Variants in EML4 observed in about 807,000 individuals in gnomAD.
EML4 encodes the protein EMAP like 4.
A neutral mutation model predicts 129.0 loss-of-function variants in EML4; 72 were observed. That is an observed-to-expected ratio of 0.56 (90% CI 0.46 to 0.68). The LOEUF is 0.68. EML4 is among the 30% of genes least tolerant of loss of function. The probability of loss-of-function intolerance (pLI) is 0.00; values close to 1 mark genes in which losing one functional copy is unlikely to be tolerated. For synonymous variants in EML4, 532 were observed against 405.0 expected, an observed-to-expected ratio of 1.31 and a Z score of -3.77; for missense variants, 1,363 against 1,190.6, an observed-to-expected ratio of 1.14 and a Z score of -2.13.
chr2:42,263,229 A>C lies in EML4; in HGVS notation c.564A>C (p.Ser188=). 6.2e-7 allele frequency: 1 copy of C among 1,613,170 alleles called. No homozygotes were observed. The highest frequency in any genetic ancestry group is 1.7e-5 in the Admixed American group (1 of 59,934). Residue 188 remains serine (S), a synonymous_variant, in exon 5 of 23, where the codon TCA becomes TCC. Coordinates refer to ENST00000318522, the MANE Select transcript of EML4 (RefSeq NM_019063.5). ...AEKSHNSWEN[S]DDSRNKLSKI... Reference sequence around the variant, plus strand: ...AGTCACATAATTCTTGGGAAAATTCAGATGATAGCCGTAATAAATTGTCGA... The same window carrying C: ...AGTCACATAATTCTTGGGAAAATTCCGATGATAGCCGTAATAAATTGTCGA...
Position 42,263,241 on chromosome 2 carries a change from T to A in EML4, c.576T>A (p.Arg192=), listed in dbSNP as rs1369836188. 1 of 1,613,412 alleles carries A rather than the reference T, an allele frequency of 6.2e-7. No individual in the cohort carries two copies. The highest frequency in any genetic ancestry group is 8.5e-7 in the Non-Finnish European group (1 of 1,179,682). ...HNSWENSDDS[R]NKLSKIPSTP... ...CTTGGGAAAATTCAGATGATAGCCG[T>A]AATAAATTGTCGAAAATACCTTCAA... is the stretch of plus-strand genomic sequence containing the variant. Residue 192 remains arginine, a synonymous_variant, in exon 5 of 23, where the codon CGT becomes CGA. Coordinates refer to ENST00000318522, the MANE Select transcript of EML4 (RefSeq NM_019063.5).
rs2103827739 is a variant in EML4, at chr2:42,325,451, A to G, written c.2155-16A>G. 2 of 1,310,258 alleles carry G rather than the reference A, an allele frequency of 1.5e-6. No homozygotes were observed. Among genetic ancestry groups the G allele is most frequent in the Middle Eastern group, 2.1e-4 (1 of 4,672 alleles). 81.2% of individuals were successfully genotyped at this position (1,310,258 alleles called of 1,614,324 possible). A position where few individuals can be genotyped will look rare whatever the true frequency, so the allele number is the denominator to read the frequency against. On this transcript the variant is annotated splice_polypyrimidine_tract_variant and intron_variant, in intron 19 of 22. Coordinates refer to ENST00000318522, the MANE Select transcript of EML4 (RefSeq NM_019063.5). ...AACTCTAAATGCTTTCTAACAATTTATCTGTTATTTTCTAGGGACATTCCA... is the reference window on the plus strand; with the variant it reads ...AACTCTAAATGCTTTCTAACAATTTGTCTGTTATTTTCTAGGGACATTCCA...
At chr2:42,184,263 T>C (rs1323475441) in intron 1 of EML4, among the ~76,000 whole-genome samples, 1 of 152,172 alleles carries the variant, frequency 6.6e-6, no homozygotes, top group Non-Finnish European at 1.5e-5. Context: ...TTTTAAGTTT[T>C]AGGGTACATG....
intron 1 of EML4, among the ~76,000 whole-genome samples, chr2:42,215,780 C>A (rs1483522857): frequency 6.6e-6 from 1 of 152,136 alleles, no homozygotes; most frequent in African/African-American, 2.4e-5. Flanking sequence ...TATACCTTCT[C>A]CCTTTGAGAA....
chr2:42,296,195 C>T (rs952220755), intron 13 of EML4, among the ~76,000 whole-genome samples: 7 of 151,938 alleles, frequency 4.6e-5, no homozygotes, highest in Non-Finnish European at 7.4e-5. Context: ...CATGTACTTC[C>T]TTCAGAGTAG....
intron 1 of EML4, among the ~76,000 whole-genome samples, chr2:42,184,023 T>A (rs1671102057): frequency 6.6e-6 from 1 of 152,142 alleles, no homozygotes; most frequent in Admixed American, 6.5e-5. Flanking sequence ...TTAAAGCAAT[T>A]TGGGCTATTT....
At chr2:42,302,374 ACAAT>A (rs879574498) in intron 14 of EML4, among the ~76,000 whole-genome samples, 20 of 152,246 alleles carry the variant, frequency 1.3e-4, no homozygotes, top group Admixed American at 1.1e-3. Flanking sequence ...GATCCTTACA[ACAAT>A]CAAGAGTGGG....
intron 1 of EML4, among the ~76,000 whole-genome samples, chr2:42,225,695 T>G (rs1454957496): frequency 2.6e-5 from 4 of 152,192 alleles, no homozygotes; most frequent in Admixed American, 2.6e-4. Context: ...CTAGTGAGCT[T>G]GATCCACCCT....
intron 1 of EML4, among the ~76,000 whole-genome samples, chr2:42,218,340 C>T (rs1673334636): frequency 1.3e-5 from 2 of 151,842 alleles, no homozygotes; most frequent in South Asian, 2.1e-4. Context: ...CCCACTGATT[C>T]TACATTATAG....
At chr2:42,254,391 G>A (rs537415911) in intron 2 of EML4, among the ~76,000 whole-genome samples, 2 of 151,610 alleles carry the variant, frequency 1.3e-5, no homozygotes, top group Middle Eastern at 3.4e-3. Flanking sequence ...CCGGGAGGCC[G>A]TGGCAGCAGT....
In EML4 at chr2:42,330,029, T is replaced by A. The variant is rs768352470; in HGVS notation, c.2768T>A (p.Leu923Gln). 1 of 1,613,612 alleles carries A rather than the reference T, an allele frequency of 6.2e-7. No homozygotes were observed. The highest frequency in any genetic ancestry group is 1.1e-5 in the South Asian group (1 of 91,038). The change falls in exon 23 of 23, where the codon CTG becomes CAG. Residue 923 changes from leucine to glutamine, a missense_variant. Coordinates refer to ENST00000318522, the MANE Select transcript of EML4 (RefSeq NM_019063.5). ...ESRISSSPTL[L>Q]ENSLEQTVEP... ...AGAATAAGCAGTTCTCCCACACTTC[T>A]GGAGAACAGCCTGGAACAAACTGTG...
At chr2:42,320,292 C>T (rs1389042122) in intron 19 of EML4, among the ~76,000 whole-genome samples, 1 of 150,982 alleles carries the variant, frequency 6.6e-6, no homozygotes, top group African/African-American at 2.4e-5. Flanking sequence ...AGTTTGACAC[C>T]AGCCTGGGCA....
chr2:42,287,133 C>G (rs1034474077), intron 10 of EML4, among the ~76,000 whole-genome samples: 4 of 152,214 alleles, frequency 2.6e-5, no homozygotes, highest in African/African-American at 9.6e-5. Flanking sequence ...CAGTTCTTAG[C>G]CATTGGCAAC....
At chr2:42,275,623 G>T (rs1666614766) in intron 6 of EML4, among the ~76,000 whole-genome samples, 1 of 152,174 alleles carries the variant, frequency 6.6e-6, no homozygotes, top group Admixed American at 6.5e-5. Flanking sequence ...TCACTGATCA[G>T]ATTGACTTAA....
chr2:42,256,478 T>C, intron 2 of EML4, 23 bp from the exon 3 acceptor site: 1 of 1,570,564 alleles, frequency 6.4e-7, no homozygotes, highest in Middle Eastern at 1.7e-4. Context: ...TTTGATATAA[T>C]TTTTTTCCTT....
At chr2:42,271,574 G>A (rs1666369757) in intron 6 of EML4, among the ~76,000 whole-genome samples, 1 of 152,068 alleles carries the variant, frequency 6.6e-6, no homozygotes, top group South Asian at 2.1e-4. Flanking sequence ...CTTATTTTCA[G>A]CGAAGAAAAA....
intron 1 of EML4, among the ~76,000 whole-genome samples, chr2:42,187,250 T>C (rs1046771942): frequency 6.6e-6 from 1 of 152,000 alleles, no homozygotes; most frequent in East Asian, 1.9e-4. Flanking sequence ...GGTTTTGCCA[T>C]GTTGCCCAGG....
At chr2:42,241,076 C>G (rs578164024) in intron 1 of EML4, among the ~76,000 whole-genome samples, 112 of 152,120 alleles carry the variant, frequency 7.4e-4, no homozygotes, top group African/African-American at 2.5e-3. Flanking sequence ...GCAGGAGAAT[C>G]TCTTGAACCC....
chr2:42,242,226 C>T lies in EML4; in HGVS notation c.26-3279C>T, dbSNP rs375619782. On this transcript the variant is annotated intron_variant, in intron 1 of 22. Transcript: ENST00000318522. ...AAGCAGGTTATATGTTTACAAAAAT[C>T]ATATAAGCATTTTATCTGTGGTCAT... Among the ~76,000 whole-genome samples, 15 of 152,178 alleles carry T rather than the reference C, an allele frequency of 9.9e-5. No individual in the cohort carries two copies. In the East Asian group the frequency reaches 2.3e-3, roughly 23 times the overall value.
Sources: gnomAD v4.1 joint callset for allele counts (sites outside exome capture counted in the v4.1 genomes callset) on GRCh38, gnomAD v4.1.1 for gene constraint, MANE v1.5 for transcripts, NCBI Gene and HGNC (gene_info 2026-07-23, HGNC 2026-07-21) for gene names.